The following BPNT2 variants were observed in gnomAD, a reference collection of about 807,000 sequenced individuals.
BPNT2 encodes the protein Golgi-resident adenosine 3',5'-bisphosphate 3'-phosphatase.
Under a neutral mutation model 29.3 loss-of-function variants are expected in BPNT2, and 11 were observed. That is an observed-to-expected ratio of 0.38 (90% CI 0.24 to 0.62). The LOEUF (loss-of-function observed/expected upper bound fraction) is 0.62, where lower values mean the gene tolerates loss of function less well. Among genes scored for constraint, BPNT2 ranks in the 20% least tolerant of loss-of-function variants. BPNT2 has a pLI of 0.62. For missense variants in BPNT2, 459 were observed against 473.4 expected (o/e 0.97, Z 0.28); for synonymous variants, 195 against 187.7 (o/e 1.04, Z -0.32).
chr8:56,973,980 A>ATT (rs929720950), intron 3 of BPNT2, among the ~76,000 whole-genome samples: 82 of 152,254 alleles, frequency 5.4e-4, no homozygotes, highest in African/African-American at 1.8e-3. Flanking sequence ...CGAGACAACA[A>ATT]AACTAATAAT....
intron 1 of BPNT2, among the ~76,000 whole-genome samples, chr8:56,985,532 T>C (rs1264052210): frequency 6.6e-6 from 1 of 152,186 alleles, no homozygotes; most frequent in East Asian, 1.9e-4. Flanking sequence ...ATGCAGCTTT[T>C]AGAGAACCTA....
intron 3 of BPNT2, among the ~76,000 whole-genome samples, chr8:56,974,366 A>G (rs1175249336): frequency 6.7e-6 from 1 of 148,724 alleles, no homozygotes; most frequent in African/African-American, 2.5e-5. Context: ...CTATTCAAGT[A>G]TCTCTTGATT....
At chr8:56,971,319 T>A (rs1806026765) in intron 3 of BPNT2, among the ~76,000 whole-genome samples, 1 of 149,956 alleles carries the variant, frequency 6.7e-6, no homozygotes, top group Non-Finnish European at 1.5e-5. Flanking sequence ...GGTTGGTTGG[T>A]ACGTTCCTAC....
intron 1 of BPNT2, among the ~76,000 whole-genome samples, chr8:56,981,595 AAT>A (rs1239494183): frequency 6.6e-6 from 1 of 152,068 alleles, no homozygotes; most frequent in East Asian, 1.9e-4. Context: ...ATAATAAAAA[AAT>A]GTTTTAGAAC....
intron 1 of BPNT2, among the ~76,000 whole-genome samples, chr8:56,985,648 A>C (rs1178640311): frequency 6.6e-6 from 1 of 152,172 alleles, no homozygotes; most frequent in African/African-American, 2.4e-5. Context: ...CTCCACCTAC[A>C]CCTGGCAATT....
At chr8:56,980,726 A>G (rs888356383) in intron 1 of BPNT2, among the ~76,000 whole-genome samples, 2 of 151,192 alleles carry the variant, frequency 1.3e-5, no homozygotes, top group African/African-American at 4.9e-5. Context: ...GAGAAATATA[A>G]GTAGAGGAAG....
At chr8:56,975,174 TGA>T (rs1193624502) in intron 3 of BPNT2, among the ~76,000 whole-genome samples, 1 of 152,092 alleles carries the variant, frequency 6.6e-6, no homozygotes, top group Non-Finnish European at 1.5e-5. Context: ...CCGTGGTAAA[TGA>T]GAGGAGCCAC....
At chr8:56,980,619 C>G (rs958398849) in intron 1 of BPNT2, among the ~76,000 whole-genome samples, 1 of 149,742 alleles carries the variant, frequency 6.7e-6, no homozygotes, top group African/African-American at 2.4e-5. Flanking sequence ...GAGGTACAGT[C>G]AAATTTTCTA....
chr8:56,968,593 A>C (rs1343995563), intron 3 of BPNT2, among the ~76,000 whole-genome samples: 1 of 152,174 alleles, frequency 6.6e-6, no homozygotes, highest in Non-Finnish European at 1.5e-5. Flanking sequence ...TCACTTGTTG[A>C]GCCCAAGAGT....
chr8:56,960,714 T>C lies in BPNT2; in HGVS notation c.*3079A>G, dbSNP rs1273823139. 2.6e-5 allele frequency: 4 copies of C among 152,176 alleles called. No individual in the cohort carries two copies. Among genetic ancestry groups the C allele is most frequent in the Non-Finnish European group, 5.9e-5 (4 of 68,040 alleles). 9.4% of individuals were successfully genotyped at this position (152,176 alleles called of 1,614,324 possible). A position where few individuals can be genotyped will look rare whatever the true frequency, so the allele number is the denominator to read the frequency against. On this transcript the variant is annotated 3_prime_UTR_variant, in exon 5 of 5. Coordinates refer to ENST00000262644, the MANE Select transcript of BPNT2 (RefSeq NM_017813.5). ...CATGCATATCTACCCAACTCTCTTG[T>C]ATTTTTTTTTACATTTACATTCTTG... is the stretch of plus-strand genomic sequence containing the variant.
intron 3 of BPNT2, among the ~76,000 whole-genome samples, chr8:56,969,616 T>C (rs1479211859): frequency 6.6e-6 from 1 of 152,102 alleles, no homozygotes; most frequent in Non-Finnish European, 1.5e-5. Flanking sequence ...AATGAAATGA[T>C]GGTCAAGGAT....
intron 1 of BPNT2, among the ~76,000 whole-genome samples, chr8:56,982,019 T>C (rs142239630): frequency 6.6e-6 from 1 of 152,200 alleles, no homozygotes; most frequent in Non-Finnish European, 1.5e-5. Flanking sequence ...AAAATATAAC[T>C]ATCACCAATC....
chr8:56,979,303 G>A (rs1224040924), intron 2 of BPNT2, among the ~76,000 whole-genome samples: 2 of 152,124 alleles, frequency 1.3e-5, no homozygotes, highest in Non-Finnish European at 2.9e-5. Flanking sequence ...GTCCCTGCAC[G>A]AGGGATGTGC....
intron 4 of BPNT2, 59 bp from the exon 5 acceptor site, chr8:56,964,123 C>T (rs74627294): frequency 7.8e-7 from 1 of 1,276,842 alleles, no homozygotes; most frequent in Non-Finnish European, 1.1e-6. Context: ...AAGTAGCATA[C>T]TTTTTTGATT....
Position 56,963,520 on chromosome 8 carries a change from A to T in BPNT2, c.*273T>A, listed in dbSNP as rs922573843. 7.3e-6 allele frequency: 3 copies of T among 411,636 alleles called. No homozygotes were observed. The highest frequency in any genetic ancestry group is 1.3e-5 in the Non-Finnish European group (3 of 228,136). The allele number at this position is 411,636 out of a possible 1,614,324, so 25.5% of individuals were successfully genotyped here. ...CATAACAATGTAGACTCAGCTACAG[A>T]TTTTAATTCACAAATATATATATGC... On this transcript the variant is annotated 3_prime_UTR_variant, in exon 5 of 5. Transcript: ENST00000262644.
rs1181399836 is a variant in BPNT2, at chr8:56,962,957, C to G, written c.*836G>C. 1 of 152,010 alleles carries G rather than the reference C, an allele frequency of 6.6e-6. No individual in the cohort carries two copies. Among genetic ancestry groups the G allele is most frequent in the East Asian group, 1.9e-4 (1 of 5,182 alleles). The allele number at this position is 152,010 out of a possible 1,614,324, so 9.4% of individuals were successfully genotyped here. ...TTTTATCGTTAATGAGAAAATGAAC[C>G]AAAACTATAGTGCTAACCCTGAAAC... On this transcript the variant is annotated 3_prime_UTR_variant, in exon 5 of 5. Transcript: ENST00000262644.
In BPNT2 at chr8:56,993,352, G is replaced by T. The variant is rs2129207420; in HGVS notation, c.234C>A (p.Gly78=). Residue 78 remains glycine, a synonymous_variant, in exon 1 of 5, where the codon GGC becomes GGA. Transcript: ENST00000262644. ...AVSVLAAVRG[G]DEVRRVRESN... is the part of the protein sequence containing the mutation. ...TCTCGCGGACGCGCCTCACCTCGTC[G>T]CCGCCGCGGACTGCGGCCAGCACTG... 3 of 1,610,472 alleles carry T rather than the reference G, an allele frequency of 1.9e-6. 1 individual carries two copies. The highest frequency in any genetic ancestry group is 1.3e-5 in the African/African-American group (1 of 75,026).
intron 1 of BPNT2, among the ~76,000 whole-genome samples, chr8:56,992,856 G>A (rs1037244340): frequency 6.6e-6 from 1 of 152,122 alleles, no homozygotes; most frequent in African/African-American, 2.4e-5. Flanking sequence ...AGGATAGAGA[G>A]TCTTGGTGGA....
At chr8:56,992,447 T>C (rs772823206) in intron 1 of BPNT2, among the ~76,000 whole-genome samples, 5 of 152,204 alleles carry the variant, frequency 3.3e-5, no homozygotes, top group Admixed American at 6.5e-5. Flanking sequence ...AAAGTATTAA[T>C]AACAAATCCA....
Sources: gnomAD v4.1 joint callset for allele counts (sites outside exome capture counted in the v4.1 genomes callset) on GRCh38, gnomAD v4.1.1 for gene constraint, MANE v1.5 for transcripts, NCBI Gene and HGNC (gene_info 2026-07-23, HGNC 2026-07-21) for gene names.